The following ELAPOR1 variants were observed in gnomAD, a reference collection of about 807,000 sequenced individuals.
ELAPOR1 encodes endosome-lysosome associated apoptosis and autophagy regulator 1.
A neutral mutation model predicts 119.7 loss-of-function variants in ELAPOR1; 77 were observed. The ratio of observed to expected loss-of-function variants is 0.64; its 90% CI spans 0.54 to 0.78. The LOEUF (loss-of-function observed/expected upper bound fraction) is 0.78. Ranked by LOEUF, ELAPOR1 falls within the 30% of genes least tolerant of loss-of-function variation. ELAPOR1 has a pLI of 0.00. For missense variants in ELAPOR1, 1,115 were observed against 1,270.4 expected (o/e 0.88, Z 1.86); for synonymous variants, 481 against 487.2 (o/e 0.99, Z 0.17).
chr1:109,184,394 G>A (rs1016580700), intron 7 of ELAPOR1, among the ~76,000 whole-genome samples: 17 of 152,174 alleles, frequency 1.1e-4, no homozygotes, highest in Non-Finnish European at 2.2e-4. Context: ...AATAAAGATA[G>A]TGTTGGGATG....
chr1:109,121,567 C>T (rs1185287296), intron 1 of ELAPOR1, among the ~76,000 whole-genome samples: 1 of 152,202 alleles, frequency 6.6e-6, no homozygotes, highest in South Asian at 2.1e-4. Flanking sequence ...TCTCCTGCCT[C>T]AGTCACACTT....
chr1:109,203,314 G>A lies in ELAPOR1; in HGVS notation c.*302G>A. The A allele has an allele frequency of 5.6e-6, 2 of 359,082 alleles. No individual in the cohort carries two copies. Among genetic ancestry groups the A allele is most frequent in the Non-Finnish European group, 1.0e-5 (2 of 197,782 alleles). 22.2% of individuals were successfully genotyped at this position (359,082 alleles called of 1,614,324 possible). A position where few individuals can be genotyped will look rare whatever the true frequency, so the allele number is the denominator to read the frequency against. ...GTCTGCTCATAATTCTTATAGCTTTGGAATGAAAATATTTCTATCTTCTTA... is the reference window on the plus strand; with the variant it reads ...GTCTGCTCATAATTCTTATAGCTTTAGAATGAAAATATTTCTATCTTCTTA... On this transcript the variant is annotated 3_prime_UTR_variant, in exon 22 of 22. Coordinates refer to ENST00000369939, the MANE Select transcript of ELAPOR1 (RefSeq NM_020775.5).
rs775993805 is a variant in ELAPOR1, at chr1:109,164,500, C to T, written c.276C>T (p.Ser92=). The change falls in exon 3 of 22, where the codon TCC becomes TCT. Residue 92 remains serine, a splice_region_variant and synonymous_variant. Coordinates refer to ENST00000369939, the MANE Select transcript of ELAPOR1 (RefSeq NM_020775.5). ...LPDPIKGTEC[S]FSCNAGEFLD... is the part of the protein sequence containing the mutation. ...CCTTGTCTCTGCCCTGTTTTCCAGC[C>T]TTCTCCTGCAACGCCGGGGAGTTTC... The T allele has an allele frequency of 6.8e-6, 11 of 1,607,656 alleles. No individual in the cohort carries two copies. Among genetic ancestry groups the T allele is most frequent in the Middle Eastern group, 1.7e-4 (1 of 6,054 alleles).
intron 7 of ELAPOR1, among the ~76,000 whole-genome samples, chr1:109,178,207 C>T (rs1652471658): frequency 6.6e-6 from 1 of 152,094 alleles, no homozygotes; most frequent in African/African-American, 2.4e-5. Context: ...GACGGGGTTT[C>T]ACCATCTCGG....
At chr1:109,152,534 A>G (rs1376852713) in intron 1 of ELAPOR1, among the ~76,000 whole-genome samples, 2 of 152,032 alleles carry the variant, frequency 1.3e-5, no homozygotes, top group African/African-American at 4.8e-5. Flanking sequence ...CTTTTTCCCA[A>G]TAGTCTTTGG....
chr1:109,189,812 C>G lies in ELAPOR1; in HGVS notation c.1439+130C>G, dbSNP rs948180036. ...TTTCATTTCAAATGTCAGTTGAGAA[C>G]AGAGGGTACAGTTTGACCGAGGTAA... On this transcript the variant is annotated intron_variant, in intron 11 of 21. Transcript: ENST00000369939. 3 of 714,996 alleles carry G rather than the reference C, an allele frequency of 4.2e-6. No homozygotes were observed. The South Asian group carries it at 4.8e-5, about 11-fold the overall frequency. 44.3% of individuals were successfully genotyped at this position (714,996 alleles called of 1,614,324 possible). A position where few individuals can be genotyped will look rare whatever the true frequency, so the allele number is the denominator to read the frequency against.
chr1:109,191,761 G>A lies in ELAPOR1; in HGVS notation c.1581G>A (p.Thr527=), dbSNP rs748499825. ...CTAGGACCAACACTCCTGTGGAGAC[G>A]TGGAAAGGTTCCAAAGGCAAACAGT... ...VNSRTNTPVE[T]WKGSKGKQSY... The change falls in exon 13 of 22, where the codon ACG becomes ACA. Residue 527 remains threonine (T), a synonymous_variant. Transcript: ENST00000369939. 39 of 1,614,092 alleles carry A rather than the reference G, an allele frequency of 2.4e-5. No homozygotes were observed. The highest frequency in any genetic ancestry group is 4.5e-5 in the East Asian group (2 of 44,906).
chr1:109,199,385 G>A (rs1183912310), intron 18 of ELAPOR1, among the ~76,000 whole-genome samples: 1 of 152,192 alleles, frequency 6.6e-6, no homozygotes, highest in African/African-American at 2.4e-5. Flanking sequence ...GTGTCTGAGT[G>A]TCAAATCCCT....
chr1:109,142,292 G>A (rs971003957), intron 1 of ELAPOR1, among the ~76,000 whole-genome samples: 6 of 152,234 alleles, frequency 3.9e-5, no homozygotes, highest in Admixed American at 2.0e-4. Flanking sequence ...AAGACGTATA[G>A]GTAGAAGCTG....
chr1:109,138,815 C>A (rs1570625661), intron 1 of ELAPOR1, among the ~76,000 whole-genome samples: 1 of 91,256 alleles, frequency 1.1e-5, no homozygotes, highest in Non-Finnish European at 2.1e-5. Flanking sequence ...GCCTGGGCAA[C>A]AAGAGTGAAA....
chr1:109,181,989 T>G (rs2039652), intron 7 of ELAPOR1, among the ~76,000 whole-genome samples: 123,410 of 152,140 alleles, frequency 0.81, 50,652 homozygotes, highest in East Asian at 1. Context: ...GAAAGGGAGG[T>G]AAAGAGACCT....
At chr1:109,190,105 G>A (rs576738768) in intron 11 of ELAPOR1, among the ~76,000 whole-genome samples, 5 of 152,194 alleles carry the variant, frequency 3.3e-5, no homozygotes, top group African/African-American at 4.8e-5. Flanking sequence ...AGGGCAACAC[G>A]AAATTTGTTT....
chr1:109,185,285 G>C lies in ELAPOR1; in HGVS notation c.1041+152G>C, dbSNP rs139908564. Reference sequence around the variant, plus strand: ...AGGTGACCCTAGGGCTAGGTGGGGTGGGGGGCAAAACGAGACCTCTTCATT... The same window carrying C: ...AGGTGACCCTAGGGCTAGGTGGGGTCGGGGGCAAAACGAGACCTCTTCATT... On this transcript the variant is annotated intron_variant, in intron 8 of 21. Transcript: ENST00000369939. 9.7e-4 allele frequency: 617 copies of C among 634,048 alleles called. 3 individuals are homozygous for C. The highest frequency in any genetic ancestry group is 9.5e-3 in the African/African-American group (521 of 54,770). The allele number at this position is 634,048 out of a possible 1,614,324, so 39.3% of individuals were successfully genotyped here.
In ELAPOR1 at chr1:109,171,595, C is replaced by T. The variant is rs572565931; in HGVS notation, c.468-271C>T. 8.6e-4 allele frequency among the ~76,000 whole-genome samples: 131 copies of T among 152,206 alleles called. 1 individual carries two copies. The highest frequency in any genetic ancestry group is 1.9e-3 in the South Asian group (9 of 4,820). On this transcript the variant is annotated intron_variant, in intron 3 of 21. Coordinates refer to ENST00000369939, the MANE Select transcript of ELAPOR1 (RefSeq NM_020775.5). Reference sequence around the variant, plus strand: ...GCCCTCCCCAACTTCACCTGCCACCCGTATCCCAGGTAGCTCTGCACAATG... The same window carrying T: ...GCCCTCCCCAACTTCACCTGCCACCTGTATCCCAGGTAGCTCTGCACAATG...
chr1:109,158,592 A>C (rs1651040361), intron 1 of ELAPOR1, among the ~76,000 whole-genome samples: 2 of 152,152 alleles, frequency 1.3e-5, no homozygotes, highest in African/African-American at 4.8e-5. Flanking sequence ...TCTGATGAAC[A>C]GGCAGCACCC....
chr1:109,197,858 T>A (rs763282547), intron 16 of ELAPOR1, 121 bp from the exon 17 acceptor site: 1 of 1,031,298 alleles, frequency 9.7e-7, no homozygotes, highest in Non-Finnish European at 1.5e-6. Flanking sequence ...CACCCTTTCA[T>A]AAGCCACTCA....
chr1:109,202,925 G>C lies in ELAPOR1; in HGVS notation c.2974-19G>C, dbSNP rs1210744391. The stretch of plus-strand genomic sequence containing the variant: ...TGCCCCTGTGCAGCAGCCAGCTCCT[G>C]TCACCATCTCTCTTTCAGAGGACTC... On this transcript the variant is annotated intron_variant, in intron 21 of 21. Coordinates refer to ENST00000369939, the MANE Select transcript of ELAPOR1 (RefSeq NM_020775.5). 1 of 1,613,880 alleles carries C rather than the reference G, an allele frequency of 6.2e-7. No homozygotes were observed. Among genetic ancestry groups the C allele is most frequent in the Non-Finnish European group, 8.5e-7 (1 of 1,179,938 alleles).
At chr1:109,160,153 G>A (rs976948307) in intron 1 of ELAPOR1, among the ~76,000 whole-genome samples, 3 of 151,908 alleles carry the variant, frequency 2.0e-5, no homozygotes, top group Non-Finnish European at 4.4e-5. Context: ...TAATCTATTG[G>A]CTGGGCATGG....
At chr1:109,201,175 A>G (rs1167337130) in intron 21 of ELAPOR1, 1 of 497,264 alleles carries the variant, frequency 2.0e-6, no homozygotes, top group East Asian at 4.0e-5. Flanking sequence ...TCACTTCCAG[A>G]AGGAGTACTG....
Sources: gnomAD v4.1 joint callset for allele counts (sites outside exome capture counted in the v4.1 genomes callset) on GRCh38, gnomAD v4.1.1 for gene constraint, MANE v1.5 for transcripts, NCBI Gene and HGNC (gene_info 2026-07-23, HGNC 2026-07-21) for gene names.